Variants in MARCHF8 observed in about 807,000 individuals in gnomAD.
The protein encoded by MARCHF8 is membrane associated ring-CH-type finger 8.
A neutral mutation model predicts 51.6 loss-of-function variants in MARCHF8; 40 were observed. The observed-to-expected ratio is 0.77, with a 90% CI of 0.60 to 1.01. The LOEUF (loss-of-function observed/expected upper bound fraction) is 1.01. MARCHF8 is among the 50% of genes least tolerant of loss of function. MARCHF8 has a pLI of 0.00. For missense variants in MARCHF8, 685 were observed against 708.6 expected (o/e 0.97, Z 0.38); for synonymous variants, 263 against 280.3 (o/e 0.94, Z 0.62).
chr10:45,579,115 T>C (rs2044522557), intron 1 of MARCHF8, among the ~76,000 whole-genome samples: 2 of 152,204 alleles, frequency 1.3e-5, no homozygotes, highest in African/African-American at 4.8e-5. Flanking sequence ...TGCAAGAGAA[T>C]ACCCTGGCTC....
At chr10:45,485,717 T>G (rs2042966957) in intron 3 of MARCHF8, among the ~76,000 whole-genome samples, 1 of 152,220 alleles carries the variant, frequency 6.6e-6, no homozygotes, top group Admixed American at 6.5e-5. Flanking sequence ...ACCTCTAAAT[T>G]TACGCCAGCA....
At chr10:45,497,631 G>A (rs1564485926) in intron 2 of MARCHF8, among the ~76,000 whole-genome samples, 1 of 152,094 alleles carries the variant, frequency 6.6e-6, no homozygotes, top group Admixed American at 6.5e-5. Context: ...ACAGCAGAGA[G>A]AAACTACCAA....
In MARCHF8 at chr10:45,557,116, CTTTTTTT is replaced by C. The variant is rs58172142; in HGVS notation, c.-78-23834_-78-23828del. Reference sequence around the variant, plus strand: ...CATTGAACAACAAAAGGTGCCTATTCTTTTTTTTTTTTTTTTTTTTTTTTTTTGAGAC... The same window carrying C: ...CATTGAACAACAAAAGGTGCCTATTCTTTTTTTTTTTTTTTTTTTTGAGAC... On this transcript the variant is annotated intron_variant, in intron 1 of 6. Coordinates refer to the MARCHF8 transcript ENST00000319836. Among the ~76,000 whole-genome samples, 4 of 66,218 alleles carry C rather than the reference CTTTTTTT, an allele frequency of 6.0e-5. No individual in the cohort carries two copies. The South Asian group carries it at 1.9e-3, about 31-fold the overall frequency. The allele number at this position is 66,218 out of a possible 152,430, so 43.4% of individuals were successfully genotyped here.
chr10:45,475,915 C>T (rs1488655277), intron 3 of MARCHF8, among the ~76,000 whole-genome samples: 1 of 152,178 alleles, frequency 6.6e-6, no homozygotes. Context: ...TCACTACAGC[C>T]TCCACCATAC....
intron 1 of MARCHF8, among the ~76,000 whole-genome samples, chr10:45,568,462 C>T (rs866063043): frequency 1.3e-5 from 2 of 152,058 alleles, no homozygotes; most frequent in African/African-American, 2.4e-5. Flanking sequence ...GGCTCACACC[C>T]GTAATCTCAG....
intron 1 of MARCHF8, among the ~76,000 whole-genome samples, chr10:45,548,067 C>T (rs1426877935): frequency 5.3e-5 from 8 of 152,182 alleles, no homozygotes; most frequent in Admixed American, 2.6e-4. Flanking sequence ...GTAGAAGATG[C>T]AAGGTAATTT....
intron 1 of MARCHF8, among the ~76,000 whole-genome samples, chr10:45,545,530 T>C (rs1390464442): frequency 3.3e-5 from 5 of 152,302 alleles, no homozygotes; most frequent in South Asian, 2.1e-4. Context: ...TCAGACTTAG[T>C]TGAAAATTGA....
intron 2 of MARCHF8, among the ~76,000 whole-genome samples, chr10:45,505,896 T>C (rs949540399): frequency 2.6e-5 from 4 of 152,246 alleles, no homozygotes; most frequent in African/African-American, 9.6e-5. Context: ...ATGAGTTTTA[T>C]AATTCTGTAT....
chr10:45,490,758 G>T lies in MARCHF8; in HGVS notation c.103-1341C>A, dbSNP rs376741448. Among the ~76,000 whole-genome samples, 3 of 152,210 alleles carry T rather than the reference G, an allele frequency of 2.0e-5. No individual in the cohort carries two copies. The South Asian group carries it at 6.2e-4, about 32-fold the overall frequency. On this transcript the variant is annotated intron_variant, in intron 2 of 7. Coordinates refer to ENST00000453424, the MANE Select transcript of MARCHF8 (RefSeq NM_001282866.2). ...GCCTAAGGAAGAGAAGATCTTAGTTGTATTTCCTTGCTCTGTCACCTAGGC... is the reference window on the plus strand; with the variant it reads ...GCCTAAGGAAGAGAAGATCTTAGTTTTATTTCCTTGCTCTGTCACCTAGGC...
At chr10:45,485,146 C>A (rs1024990421) in intron 3 of MARCHF8, among the ~76,000 whole-genome samples, 5 of 152,124 alleles carry the variant, frequency 3.3e-5, no homozygotes, top group African/African-American at 1.2e-4. Flanking sequence ...GTACTGACAA[C>A]CTCCAGGGCT....
At chr10:45,514,091 A>G (rs755635243) in intron 2 of MARCHF8, among the ~76,000 whole-genome samples, 10 of 152,246 alleles carry the variant, frequency 6.6e-5, no homozygotes, top group East Asian at 3.8e-4. Context: ...GCTATAATCT[A>G]TATGTTTAAA....
chr10:45,560,657 T>C lies in MARCHF8; in HGVS notation c.-78-27368A>G, dbSNP rs1002022296. ...CTAGCTCACTGTTTCATTGGATACCTGCATGTGAGTGCATTTTTTCTCCTG... is the reference window on the plus strand; with the variant it reads ...CTAGCTCACTGTTTCATTGGATACCCGCATGTGAGTGCATTTTTTCTCCTG... On this transcript the variant is annotated intron_variant, in intron 1 of 6. Transcript: ENST00000319836. Among the ~76,000 whole-genome samples, 10 of 152,344 alleles carry C rather than the reference T, an allele frequency of 6.6e-5. No homozygotes were observed. In the South Asian group the frequency reaches 1.4e-3, roughly 22 times the overall value.
Position 45,463,787 on chromosome 10 carries a change from G to A in MARCHF8, c.452C>T (p.Thr151Ile), listed in dbSNP as rs753338681. 4.9e-5 allele frequency: 76 copies of A among 1,550,662 alleles called. No homozygotes were observed. Among genetic ancestry groups the A allele is most frequent in the Middle Eastern group, 1.7e-4 (1 of 6,018 alleles). The change falls in exon 5 of 8, where the codon ACA becomes ATA. Residue 151 changes from threonine to isoleucine, a missense_variant. Transcript: ENST00000453424. ...KPAKNTKARRTLKFSRSLNDV... is the reference protein window; with the variant it reads ...KPAKNTKARRILKFSRSLNDV... ...ATTGAGGGACCTTGAGAACTTTAGTGTTCTTCTGGCTTTGGTATTCTTAGC... is the reference window on the plus strand; with the variant it reads ...ATTGAGGGACCTTGAGAACTTTAGTATTCTTCTGGCTTTGGTATTCTTAGC...
intron 1 of MARCHF8, among the ~76,000 whole-genome samples, chr10:45,574,968 C>CAA (rs34058982): frequency 6.9e-4 from 94 of 136,494 alleles, no homozygotes; most frequent in African/African-American, 2.2e-3. Context: ...GTTATATAGG[C>CAA]AAAAAAAAAA....
At chr10:45,558,911 T>C (rs17157931) in intron 1 of MARCHF8, among the ~76,000 whole-genome samples, 5,348 of 152,310 alleles carry the variant, frequency 0.035, 142 homozygotes, top group East Asian at 0.052. Context: ...GGAAGAAATA[T>C]GTAGTAAAAT....
Position 45,458,302 on chromosome 10 carries a change from G to A in MARCHF8, c.1659C>T (p.Ser553=), listed in dbSNP as rs748794771. The part of the protein sequence containing the change: ...ENKHGYGICH[S]DTNSSCCTEP... ...CTGTGCAACAAGAAGAGTTTGTGTC[G>A]GAATGACAGATTCCATATCCATGTT... The change falls in exon 8 of 8, where the codon TCC becomes TCT. Residue 553 remains serine, a synonymous_variant. Transcript: ENST00000453424. 120 of 1,613,920 alleles carry A rather than the reference G, an allele frequency of 7.4e-5. No individual in the cohort carries two copies. The highest frequency in any genetic ancestry group is 6.2e-4 in the Admixed American group (37 of 59,992).
intron 1 of MARCHF8, among the ~76,000 whole-genome samples, chr10:45,565,332 G>A (rs2044352999): frequency 6.6e-6 from 1 of 152,118 alleles, no homozygotes; most frequent in African/African-American, 2.4e-5. Context: ...TTAGGAAACT[G>A]AGATAGGAGG....
chr10:45,486,456 C>A (rs1158971634), intron 3 of MARCHF8, among the ~76,000 whole-genome samples: 1 of 152,066 alleles, frequency 6.6e-6, no homozygotes, highest in Non-Finnish European at 1.5e-5. Context: ...CCCAGCTACT[C>A]AGGAGGCTGA....
At chr10:45,589,890 G>C (rs1463074977) in intron 1 of MARCHF8, among the ~76,000 whole-genome samples, 1 of 152,094 alleles carries the variant, frequency 6.6e-6, no homozygotes, top group African/African-American at 2.4e-5. Flanking sequence ...TACAAATATT[G>C]GCATAAATAT....
Sources: gnomAD v4.1 joint callset for allele counts (sites outside exome capture counted in the v4.1 genomes callset) on GRCh38, gnomAD v4.1.1 for gene constraint, MANE v1.5 for transcripts, NCBI Gene and HGNC (gene_info 2026-07-23, HGNC 2026-07-21) for gene names.